The following SLC12A6 variants were observed in gnomAD, a reference collection of about 807,000 sequenced individuals.
SLC12A6 encodes K-Cl cotransporter 3.
SLC12A6 carries 66 observed loss-of-function variants against 135.3 expected under a neutral mutation model. That is an observed-to-expected ratio of 0.49 (90% CI 0.40 to 0.60). The LOEUF (loss-of-function observed/expected upper bound fraction) is 0.60. SLC12A6 is among the 20% of genes least tolerant of loss of function. The pLI is 0.00. For missense variants in SLC12A6, 1,058 were observed against 1,452.3 expected (o/e 0.73, Z 4.41); for synonymous variants, 513 against 508.8 (o/e 1.01, Z -0.11).
chr15:34,256,039 TAAAG>T (rs1232867710), intron 7 of SLC12A6, among the ~76,000 whole-genome samples, 186 bp downstream of exon 7: 2 of 152,140 alleles, frequency 1.3e-5, no homozygotes, highest in East Asian at 3.8e-4. Flanking sequence ...GTTTAAAAAA[TAAAG>T]AGATTTTAAA....
Position 34,261,034 on chromosome 15 carries a change from AG to A in SLC12A6, c.317-15del. The A allele has an allele frequency of 7.6e-7, 1 of 1,322,012 alleles. No homozygotes were observed. The highest frequency in any genetic ancestry group is 1.1e-6 in the Non-Finnish European group (1 of 913,692). The allele number at this position is 1,322,012 out of a possible 1,614,324, so 81.9% of individuals were successfully genotyped here. On this transcript the variant is annotated splice_polypyrimidine_tract_variant and intron_variant, in intron 3 of 25. Coordinates refer to ENST00000354181, the MANE Select transcript of SLC12A6 (RefSeq NM_001365088.1). ...TATGTCCGTCGTCTGGAAAAAAAAA[AG>A]TAGACCAAGTTAGTTTCTCACTGGT...
rs1890222013 is a variant in SLC12A6, at chr15:34,336,685, TTC to T, written c.-7_-6del. The T allele has an allele frequency of 6.2e-7, 1 of 1,613,884 alleles. No individual in the cohort carries two copies. The highest frequency in any genetic ancestry group is 1.7e-5 in the Admixed American group (1 of 60,000). ...GGTGGTTTCTGGAGGATGCATTTTG[TTC>T]TTTTTAAGAACAAAAAAAGTGGGGG... On this transcript the variant is annotated 5_prime_UTR_variant, in exon 2 of 26. Coordinates refer to ENST00000354181, the MANE Select transcript of SLC12A6 (RefSeq NM_001365088.1).
chr15:34,275,295 T>C (rs761310145), intron 3 of SLC12A6, 50 bp downstream of exon 3: 2 of 910,280 alleles, frequency 2.2e-6, no homozygotes, highest in Non-Finnish European at 3.7e-6. Flanking sequence ...TTAGGATAAA[T>C]GAGTTAAGGG....
At chr15:34,310,270 G>A (rs1365772253) in intron 2 of SLC12A6, among the ~76,000 whole-genome samples, 84 of 131,080 alleles carry the variant, frequency 6.4e-4, no homozygotes, top group African/African-American at 2.7e-3. Context: ...GTGTCCCCGT[G>A]TCCAGGCTGG....
intron 2 of SLC12A6, among the ~76,000 whole-genome samples, chr15:34,314,151 G>A (rs553294547): frequency 2.0e-5 from 3 of 151,634 alleles, no homozygotes; most frequent in South Asian, 2.1e-4. Context: ...GGGTTCAAGC[G>A]ATCCTCCTGT....
intron 2 of SLC12A6, among the ~76,000 whole-genome samples, chr15:34,304,478 T>C (rs911570102): frequency 3.3e-5 from 5 of 152,242 alleles, no homozygotes; most frequent in African/African-American, 7.2e-5. Context: ...TTTTCCAAAG[T>C]AGTTGTACTA....
chr15:34,322,978 CAAAAAAAAAAAAAA>C (rs1218702689), intron 2 of SLC12A6, among the ~76,000 whole-genome samples: 1 of 39,038 alleles, frequency 2.6e-5, no homozygotes, highest in Non-Finnish European at 5.0e-5. Context: ...AACTCTGTCT[CAAAAAAAAAAAAAA>C]AAAAAAAAAA....
chr15:34,278,157 C>A (rs544395268), intron 2 of SLC12A6, among the ~76,000 whole-genome samples: 1 of 152,114 alleles, frequency 6.6e-6, no homozygotes, highest in Non-Finnish European at 1.5e-5. Context: ...CTGGGCGCAG[C>A]GGCTCACGCC....
At chr15:34,282,660 A>G (rs552680076) in intron 2 of SLC12A6, among the ~76,000 whole-genome samples, 1 of 152,262 alleles carries the variant, frequency 6.6e-6, no homozygotes, top group African/African-American at 2.4e-5. Flanking sequence ...GGCTGAAGTG[A>G]GAGGATACTA....
rs1199435448 is a variant in SLC12A6 at position 34,242,206 on chromosome 15, C to T, written c.2058G>A (p.Met686Ile). 3.7e-6 allele frequency: 6 copies of T among 1,600,278 alleles called. No homozygotes were observed. Among genetic ancestry groups the T allele is most frequent in the Non-Finnish European group, 5.1e-6 (6 of 1,167,778 alleles). The change falls in exon 17 of 26, where the codon ATG (methionine) becomes ATA (isoleucine). Residue 686 changes from methionine to isoleucine, a missense_variant. By Grantham distance (10) the Met-to-Ile change is conservative. Transcript: ENST00000354181. ...TCAGAGCCAGACAGATACTCATTCCCATGAAAGAAAGGGCCCTAGAAAATT... is the reference window on the plus strand; with the variant it reads ...TCAGAGCCAGACAGATACTCATTCCTATGAAAGAAAGGGCCCTAGAAAATT... ...FRYYHWALSF[M>I]GMSICLALMF...
At position 34,238,945 on chromosome 15, in the gene SLC12A6, G is replaced by C. The variant is rs745627827; in HGVS notation, c.2632+20C>G. On this transcript the variant is annotated intron_variant, in intron 20 of 25. Coordinates refer to ENST00000354181, the MANE Select transcript of SLC12A6 (RefSeq NM_001365088.1). ...ACCCTCGACTTGGGCCTTTAGGTTT[G>C]TATGAGAAATGGTTAGTACCAATAA... 2 of 1,602,140 alleles carry C rather than the reference G, an allele frequency of 1.2e-6. No individual in the cohort carries two copies. Among genetic ancestry groups the C allele is most frequent in the Non-Finnish European group, 1.7e-6 (2 of 1,168,986 alleles).
At chr15:34,234,080 A>C in intron 25 of SLC12A6, 108 bp from the exon 26 acceptor site, 1 of 718,852 alleles carries the variant, frequency 1.4e-6, no homozygotes. Context: ...TAGCTGCTTA[A>C]TTATTATATA....
At chr15:34,330,544 C>CTG (rs1371457733) in intron 2 of SLC12A6, among the ~76,000 whole-genome samples, 52 of 151,958 alleles carry the variant, frequency 3.4e-4, no homozygotes, top group African/African-American at 1.2e-3. Context: ...TGGTGTGCAC[C>CTG]TGTGTTCCCA....
chr15:34,241,017 A>G, intron 18 of SLC12A6, 188 bp from the exon 19 acceptor site: 1 of 659,932 alleles, frequency 1.5e-6, no homozygotes, highest in Non-Finnish European at 2.7e-6. Context: ...TCTCAAGTTG[A>G]TCAGTCTTCA....
intron 2 of SLC12A6, among the ~76,000 whole-genome samples, chr15:34,294,079 T>C (rs191910805): frequency 6.6e-6 from 1 of 152,384 alleles, no homozygotes; most frequent in African/African-American, 2.4e-5. Context: ...ATTTTCTTTC[T>C]TGTGTAAATT....
chr15:34,300,391 C>T (rs9989297), intron 2 of SLC12A6, among the ~76,000 whole-genome samples: 5,975 of 152,094 alleles, frequency 0.039, 228 homozygotes, highest in African/African-American at 0.099. Flanking sequence ...TAAATAGTGT[C>T]GACAGTACAA....
In SLC12A6 at chr15:34,237,441, G is replaced by A; in HGVS notation, c.2912C>T (p.Ala971Val). Residue 971 changes from alanine to valine, a missense_variant, in exon 22 of 26, where the codon GCG (alanine) becomes GTG (valine). Transcript: ENST00000354181. ...ATFLYHLRIEAEVEVVEMHDS... is the reference protein window; with the variant it reads ...ATFLYHLRIEVEVEVVEMHDS... ...CACCATCTCCACCACTTCTACCTCCGCCTCAATGCGTAAGTGATATAGGAA... is the reference window on the plus strand; with the variant it reads ...CACCATCTCCACCACTTCTACCTCCACCTCAATGCGTAAGTGATATAGGAA... The A allele has an allele frequency of 2.5e-6, 4 of 1,612,594 alleles. No individual in the cohort carries two copies. The highest frequency in any genetic ancestry group is 2.2e-5 in the East Asian group (1 of 44,812).
At chr15:34,290,570 T>C (rs1366658555) in intron 2 of SLC12A6, among the ~76,000 whole-genome samples, 1 of 152,198 alleles carries the variant, frequency 6.6e-6, no homozygotes, top group African/African-American at 2.4e-5. Flanking sequence ...ATATTGACAG[T>C]GGGCTGTTAA....
chr15:34,310,912 G>A (rs558236548), intron 2 of SLC12A6, among the ~76,000 whole-genome samples: 3 of 151,952 alleles, frequency 2.0e-5, no homozygotes, highest in Admixed American at 2.0e-4. Context: ...GAGCCACCAA[G>A]CCCAGCCAAA....
Sources: gnomAD v4.1 joint callset for allele counts (sites outside exome capture counted in the v4.1 genomes callset) on GRCh38, gnomAD v4.1.1 for gene constraint, MANE v1.5 for transcripts, NCBI Gene and HGNC (gene_info 2026-07-23, HGNC 2026-07-21) for gene names.